The following SPRY3 variants were observed in gnomAD, a reference collection of about 807,000 sequenced individuals.
SPRY3 encodes sprouty RTK signaling antagonist 3.
SPRY3 carries 15 observed loss-of-function variants against 20.2 expected under a neutral mutation model. The ratio of observed to expected loss-of-function variants is 0.74; its 90% CI spans 0.50 to 1.14. The LOEUF (loss-of-function observed/expected upper bound fraction) is 1.14, where lower values mean the gene tolerates loss of function less well. SPRY3 is among the 50% of genes most tolerant of loss of function. The probability of loss-of-function intolerance (pLI) is 0.00; values close to 1 mark genes in which losing one functional copy is unlikely to be tolerated. For synonymous variants in SPRY3, 143 were observed against 136.5 expected (o/e 1.05, Z -0.33); for missense variants, 364 against 363.9 (o/e 1.00, Z 0.00).
chrX:155,670,949 A>G (rs1346407113), intron 2 of SPRY3, among the ~76,000 whole-genome samples: 1 of 111,958 alleles, frequency 8.9e-6, no homozygotes. Context: ...TGTACCAATT[A>G]CTACAGTCCA....
chrX:155,718,473 A>C (rs1419529118), intron 2 of SPRY3, among the ~76,000 whole-genome samples: 1 of 152,162 alleles, frequency 6.6e-6, no homozygotes, highest in Non-Finnish European at 1.5e-5. Context: ...AATTAATCAA[A>C]TAAAATAGTT....
At position 155,763,615 on chromosome X, in the gene SPRY3, T is replaced by C. The variant is rs192256651; in HGVS notation, c.-281-4347T>C. Among the ~76,000 whole-genome samples, 79 of 152,310 alleles carry C rather than the reference T, an allele frequency of 5.2e-4. 2 individuals carry two copies. Among genetic ancestry groups the C allele is most frequent in the Admixed American group, 5.0e-3 (76 of 15,292 alleles). ...CTATATATTCCAATCCTCTCTTCAA[T>C]ATACCTCTTACATAAGACAGTTTGA... is the stretch of plus-strand genomic sequence containing the variant. On this transcript the variant is annotated intron_variant, in intron 2 of 3. Coordinates refer to ENST00000675360, the Ensembl canonical transcript of SPRY3.
intron 1 of SPRY3, among the ~76,000 whole-genome samples, chrX:155,636,615 CTG>C (rs1254483346): frequency 1.8e-5 from 2 of 110,931 alleles, no homozygotes; most frequent in East Asian, 2.8e-4. Context: ...TATATATAAA[CTG>C]TATGCATATA....
intron 2 of SPRY3, among the ~76,000 whole-genome samples, chrX:155,710,140 T>G (rs1219075016): frequency 6.6e-6 from 1 of 151,762 alleles, no homozygotes; most frequent in Non-Finnish European, 1.5e-5. Context: ...ATTGGGCTAC[T>G]TTGGGTCTTT....
intron 2 of SPRY3, among the ~76,000 whole-genome samples, chrX:155,753,727 C>T (rs1359796702): frequency 6.6e-6 from 1 of 151,958 alleles, no homozygotes; most frequent in Admixed American, 6.6e-5. Context: ...TATGAGGCTT[C>T]CAATTTCTTC....
chrX:155,704,328 C>G (rs188974131), intron 2 of SPRY3, among the ~76,000 whole-genome samples: 1 of 151,594 alleles, frequency 6.6e-6, no homozygotes, highest in African/African-American at 2.4e-5. Context: ...AATAAAGAAT[C>G]AAATATAAAT....
chrX:155,669,503 A>G (rs1011516014), intron 2 of SPRY3, among the ~76,000 whole-genome samples: 2 of 111,247 alleles, frequency 1.8e-5, no homozygotes, highest in African/African-American at 6.5e-5. Flanking sequence ...ATAAAACAAA[A>G]CAAAACAGAG....
At position 155,741,020 on chromosome X, in the gene SPRY3, G is replaced by A. The variant is rs188149115; in HGVS notation, c.-281-26942G>A. Reference sequence around the variant, plus strand: ...AGAAAGAACCTATGTTGAAATATTGGGGGTGGGTTTCCCCGATAATAATGA... The same window carrying A: ...AGAAAGAACCTATGTTGAAATATTGAGGGTGGGTTTCCCCGATAATAATGA... On this transcript the variant is annotated intron_variant, in intron 2 of 3. Coordinates refer to ENST00000675360, the Ensembl canonical transcript of SPRY3. 5.8e-4 allele frequency among the ~76,000 whole-genome samples: 89 copies of A among 152,228 alleles called. No individual in the cohort carries two copies. In the East Asian group the frequency reaches 0.017, roughly 28 times the overall value.
intron 1 of SPRY3, among the ~76,000 whole-genome samples, chrX:155,616,135 C>CTCTCTCTCTCTCTCA (rs2067852542): frequency 3.1e-5 from 1 of 32,219 alleles, no homozygotes. Context: ...TCTCTCCTCT[C>CTCTCTCTCTCTCTCA]TCTCTCTCTC....
At chrX:155,653,748 C>G (rs1394910519) in intron 1 of SPRY3, among the ~76,000 whole-genome samples, 1 of 111,832 alleles carries the variant, frequency 8.9e-6, no homozygotes, top group Non-Finnish European at 1.9e-5. Context: ...ATTGCAATTC[C>G]ATATGAATTT....
chrX:155,773,854 C>G, exon 4 of SPRY3: 1 of 1,607,408 alleles, frequency 6.2e-7, no homozygotes, highest in South Asian at 1.1e-5. Context: ...CCACTCAGAG[C>G]TAAAAAATCA....
intron 2 of SPRY3, among the ~76,000 whole-genome samples, chrX:155,756,970 C>T (rs906852366): frequency 1.2e-4 from 18 of 152,162 alleles, no homozygotes; most frequent in African/African-American, 4.1e-4. Context: ...TAGACAGTTG[C>T]GATAGCTCCC....
At chrX:155,772,784 G>C (rs1179128256) in intron 3 of SPRY3, among the ~76,000 whole-genome samples, 2 of 151,998 alleles carry the variant, frequency 1.3e-5, no homozygotes, top group Non-Finnish European at 2.9e-5. Context: ...ATTCAACTTA[G>C]CTTAAATATG....
chrX:155,738,681 AC>A (rs1309523489), intron 2 of SPRY3, among the ~76,000 whole-genome samples: 14 of 152,248 alleles, frequency 9.2e-5, no homozygotes, highest in African/African-American at 3.4e-4. Flanking sequence ...TTCCTGGGAA[AC>A]CACGCTTTTC....
At chrX:155,651,293 G>T (rs782546375) in intron 1 of SPRY3, among the ~76,000 whole-genome samples, 1 of 110,219 alleles carries the variant, frequency 9.1e-6, no homozygotes. Flanking sequence ...TCTTGGTCTC[G>T]AGTGATCTGC....
At chrX:155,734,019 G>C (rs190426287) in intron 2 of SPRY3, among the ~76,000 whole-genome samples, 1 of 152,084 alleles carries the variant, frequency 6.6e-6, no homozygotes. Flanking sequence ...AACGTTCTCC[G>C]GATAAGCAAT....
chrX:155,678,963 C>T (rs1016392627), intron 2 of SPRY3, among the ~76,000 whole-genome samples: 30 of 111,334 alleles, frequency 2.7e-4, no homozygotes, highest in African/African-American at 9.2e-4. Flanking sequence ...AGAATAACAC[C>T]GCATGTTCTC....
At chrX:155,744,410 A>G (rs1257385301) in intron 2 of SPRY3, among the ~76,000 whole-genome samples, 1 of 152,102 alleles carries the variant, frequency 6.6e-6, no homozygotes, top group Non-Finnish European at 1.5e-5. Context: ...GTGGGAAAGA[A>G]GTGGTTAAAC....
At chrX:155,705,062 C>A (rs2090940661) in intron 2 of SPRY3, among the ~76,000 whole-genome samples, 1 of 151,006 alleles carries the variant, frequency 6.6e-6, no homozygotes, top group South Asian at 2.1e-4. Context: ...TGGGACTACA[C>A]AAGGAAATAA....
Sources: gnomAD v4.1 joint callset for allele counts (sites outside exome capture counted in the v4.1 genomes callset) on GRCh38, gnomAD v4.1.1 for gene constraint, MANE v1.5 for transcripts, NCBI Gene and HGNC (gene_info 2026-07-23, HGNC 2026-07-21) for gene names.